Variants in ZDHHC3 observed in about 807,000 individuals in gnomAD.
ZDHHC3 encodes zDHHC palmitoyltransferase 3, also known as palmitoyltransferase ZDHHC3.
A neutral mutation model predicts 30.6 loss-of-function variants in ZDHHC3; 9 were observed. That is an observed-to-expected ratio of 0.29 (90% CI 0.18 to 0.51). The LOEUF (loss-of-function observed/expected upper bound fraction) is 0.51, where lower values mean the gene tolerates loss of function less well. ZDHHC3 is among the 20% of genes least tolerant of loss of function. The pLI is 0.97. For synonymous variants in ZDHHC3, 136 were observed against 140.2 expected, an observed-to-expected ratio of 0.97 and a Z score of 0.21; for missense variants, 246 against 384.2, an observed-to-expected ratio of 0.64 and a Z score of 3.01.
Position 44,922,824 on chromosome 3 carries a change from C to T in ZDHHC3, c.*3865G>A. 1.0e-6 allele frequency: 1 copy of T among 985,336 alleles called. No individual in the cohort carries two copies. Among genetic ancestry groups the T allele is most frequent in the Non-Finnish European group, 1.2e-6 (1 of 829,928 alleles). 61.0% of individuals were successfully genotyped at this position (985,336 alleles called of 1,614,324 possible). ...TGATGCTGATGTTGACGTTGCTGGT[C>T]TGGCAACCTCAAGAACACCTTTGAG... is the stretch of plus-strand genomic sequence containing the variant. On this transcript the variant is annotated 3_prime_UTR_variant, in exon 7 of 7. Coordinates refer to ENST00000424952, the MANE Select transcript of ZDHHC3 (RefSeq NM_001135179.2).
chr3:44,938,679 C>T (rs115096230), intron 3 of ZDHHC3, among the ~76,000 whole-genome samples: 168 of 152,262 alleles, frequency 1.1e-3, no homozygotes, highest in Middle Eastern at 3.4e-3. Context: ...GGCGTTGGGG[C>T]CTTGCTGGAT....
intron 4 of ZDHHC3, 130 bp from the exon 5 acceptor site, chr3:44,933,329 C>T (rs566569557): frequency 1.2e-5 from 9 of 777,862 alleles, no homozygotes; most frequent in Non-Finnish European, 2.0e-5. Flanking sequence ...CCAGGAGGGA[C>T]CAGAGGGCCA....
chr3:44,933,380 G>A (rs1701669472), intron 4 of ZDHHC3, 181 bp from the exon 5 acceptor site: 1 of 621,320 alleles, frequency 1.6e-6, no homozygotes, highest in Non-Finnish European at 2.9e-6. Context: ...ACCAGCCCTG[G>A]GTCAAGTGAG....
At position 44,925,785 on chromosome 3, in the gene ZDHHC3, TGTTGGGCACTG is replaced by T; in HGVS notation, c.*893_*903del. The T allele has an allele frequency of 7.1e-6, 7 of 985,852 alleles. No individual in the cohort carries two copies. Among genetic ancestry groups the T allele is most frequent in the Non-Finnish European group, 7.2e-6 (6 of 829,934 alleles). The allele number at this position is 985,852 out of a possible 1,614,324, so 61.1% of individuals were successfully genotyped here. A position where few individuals can be genotyped will look rare whatever the true frequency, so the allele number is the denominator to read the frequency against. On this transcript the variant is annotated 3_prime_UTR_variant, in exon 7 of 7. Coordinates refer to ENST00000424952, the MANE Select transcript of ZDHHC3 (RefSeq NM_001135179.2). Reference sequence around the variant, plus strand: ...AAGGGGATGATGGTGGGGCTGTATGTGTTGGGCACTGGTGCCTATTGCAGTCAGAATTCACA... The same window carrying T: ...AAGGGGATGATGGTGGGGCTGTATGTGTGCCTATTGCAGTCAGAATTCACA...
In ZDHHC3 at chr3:44,945,152, G is replaced by A. The variant is rs1314993068; in HGVS notation, c.431+16C>T. ...GACAGTGGGAGAAGAGAGGAGGCGA[G>A]CCCCAGTGAGTGTACCTGCAGTGGT... On this transcript the variant is annotated intron_variant, in intron 3 of 6. Transcript: ENST00000424952. 3 of 1,613,538 alleles carry A rather than the reference G, an allele frequency of 1.9e-6. No individual in the cohort carries two copies. Among genetic ancestry groups the A allele is most frequent in the African/African-American group, 1.3e-5 (1 of 75,038 alleles).
At chr3:44,960,325 G>T (rs911338379) in intron 1 of ZDHHC3, among the ~76,000 whole-genome samples, 4 of 152,186 alleles carry the variant, frequency 2.6e-5, no homozygotes, top group African/African-American at 9.7e-5. Flanking sequence ...GAAGGTTGAG[G>T]GAACTGGTGG....
At chr3:44,934,119 G>T in intron 3 of ZDHHC3, 135 bp from the exon 4 acceptor site, 1 of 839,490 alleles carries the variant, frequency 1.2e-6, no homozygotes, top group Non-Finnish European at 2.0e-6. Context: ...GTTTTGCTGG[G>T]TGTGTGTCAC....
intron 3 of ZDHHC3, among the ~76,000 whole-genome samples, chr3:44,934,731 A>C (rs897451172): frequency 1.3e-5 from 2 of 151,962 alleles, no homozygotes; most frequent in Non-Finnish European, 2.9e-5. Context: ...ATCTCTACTA[A>C]AAATACAAGA....
intron 1 of ZDHHC3, among the ~76,000 whole-genome samples, chr3:44,974,443 A>C (rs1344938784): frequency 6.6e-6 from 1 of 152,194 alleles, no homozygotes; most frequent in Non-Finnish European, 1.5e-5. Context: ...TCCCACTTCC[A>C]GGGTCTCTCC....
chr3:44,917,753 G>A lies in ZDHHC3; in HGVS notation c.*8936C>T, dbSNP rs984079610. On this transcript the variant is annotated 3_prime_UTR_variant, in exon 7 of 7. Transcript: ENST00000424952. The stretch of plus-strand genomic sequence containing the variant: ...CCCAACATGGAGAGAAGAAGGAGGG[G>A]AAATGGCAAGGCCAAGCGAGTGGCT... 5.8e-6 allele frequency: 6 copies of A among 1,039,510 alleles called. No individual in the cohort carries two copies. Among genetic ancestry groups the A allele is most frequent in the Non-Finnish European group, 7.5e-6 (6 of 795,384 alleles). The allele number at this position is 1,039,510 out of a possible 1,614,324, so 64.4% of individuals were successfully genotyped here. A position where few individuals can be genotyped will look rare whatever the true frequency, so the allele number is the denominator to read the frequency against.
chr3:44,932,998 G>A (rs1422229182), intron 5 of ZDHHC3, 120 bp downstream of exon 5: 1 of 1,614,020 alleles, frequency 6.2e-7, no homozygotes, highest in African/African-American at 1.3e-5. Context: ...AGGCTTTCAG[G>A]AGATTTAATA....
At chr3:44,931,069 C>T (rs978895273) in intron 5 of ZDHHC3, among the ~76,000 whole-genome samples, 1 of 152,198 alleles carries the variant, frequency 6.6e-6, no homozygotes, top group African/African-American at 2.4e-5. Flanking sequence ...ACACTTCAAA[C>T]TCCAGGAGCG....
At chr3:44,954,115 C>T (rs1263954862) in intron 2 of ZDHHC3, among the ~76,000 whole-genome samples, 1 of 151,830 alleles carries the variant, frequency 6.6e-6, no homozygotes, top group Non-Finnish European at 1.5e-5. Flanking sequence ...CTTTTGGCAG[C>T]TGAAATGAAA....
chr3:44,973,190 C>T (rs943323417), intron 1 of ZDHHC3, among the ~76,000 whole-genome samples: 6 of 152,118 alleles, frequency 3.9e-5, no homozygotes, highest in South Asian at 2.1e-4. Flanking sequence ...CAGTTACCAA[C>T]GCCATAACAA....
At chr3:44,961,370 C>T (rs545974693) in intron 1 of ZDHHC3, among the ~76,000 whole-genome samples, 94 of 152,146 alleles carry the variant, frequency 6.2e-4, no homozygotes, top group East Asian at 1.9e-3. Context: ...CCAGCCTGGG[C>T]GACAGTGTGA....
At chr3:44,953,636 C>T (rs17368353) in intron 2 of ZDHHC3, among the ~76,000 whole-genome samples, 29,414 of 152,136 alleles carry the variant, frequency 0.19, 3,391 homozygotes, top group Admixed American at 0.26. Flanking sequence ...GCATGGTAAC[C>T]AACCCCAGGC....
chr3:44,934,785 G>A (rs1267069025), intron 3 of ZDHHC3, among the ~76,000 whole-genome samples: 2 of 151,378 alleles, frequency 1.3e-5, no homozygotes, highest in Non-Finnish European at 1.5e-5. Flanking sequence ...CCAGCTACTC[G>A]GGAGGCTGAG....
chr3:44,920,707 C>T lies in ZDHHC3; in HGVS notation c.*5982G>A. The T allele has an allele frequency of 1.0e-6, 1 of 985,320 alleles. No homozygotes were observed. The highest frequency in any genetic ancestry group is 1.2e-6 in the Non-Finnish European group (1 of 829,918). The allele number at this position is 985,320 out of a possible 1,614,324, so 61.0% of individuals were successfully genotyped here. On this transcript the variant is annotated 3_prime_UTR_variant, in exon 7 of 7. Transcript: ENST00000424952. The stretch of plus-strand genomic sequence containing the variant: ...CAGTCAGAGAGAAGGGGAATGAAGC[C>T]AAGAGCCCACAGGATGATTATTTGC...
In ZDHHC3 at chr3:44,915,524, G is replaced by A. The variant is rs1456266804; in HGVS notation, c.*11165C>T. ...CACCTCCCAGAACAGGGACTGACATGGCTGAGGTCTACCTTGGAGATGGGG... is the reference window on the plus strand; with the variant it reads ...CACCTCCCAGAACAGGGACTGACATAGCTGAGGTCTACCTTGGAGATGGGG... On this transcript the variant is annotated 3_prime_UTR_variant, in exon 7 of 7. Coordinates refer to ENST00000424952, the MANE Select transcript of ZDHHC3 (RefSeq NM_001135179.2). The A allele has an allele frequency of 6.6e-6, 1 of 152,362 alleles. No homozygotes were observed. The highest frequency in any genetic ancestry group is 1.5e-5 in the Non-Finnish European group (1 of 68,254). The allele number at this position is 152,362 out of a possible 1,614,324, so 9.4% of individuals were successfully genotyped here. A position where few individuals can be genotyped will look rare whatever the true frequency, so the allele number is the denominator to read the frequency against.
Sources: allele counts gnomAD v4.1 joint callset (sites outside exome capture counted in the v4.1 genomes callset), GRCh38; gene constraint gnomAD v4.1.1; transcripts MANE v1.5; gene names NCBI Gene and HGNC (gene_info 2026-07-23, HGNC 2026-07-21).